The following RANBP2 variants were observed in gnomAD, a reference collection of about 807,000 sequenced individuals.
RANBP2 encodes E3 SUMO-protein ligase RanBP2.
In RANBP2, 57 loss-of-function variants were observed where a neutral mutation model predicts 303.6. That is an observed-to-expected ratio of 0.19 (90% CI 0.15 to 0.23). The LOEUF (loss-of-function observed/expected upper bound fraction) is 0.23. Ranked by LOEUF, RANBP2 falls within the 10% of genes least tolerant of loss-of-function variation. The probability of loss-of-function intolerance (pLI) is 1.00; values close to 1 mark genes in which losing one functional copy is unlikely to be tolerated. For missense variants in RANBP2, 3,138 were observed against 3,780.8 expected (o/e 0.83, Z 4.46); for synonymous variants, 1,167 against 1,301.5 (o/e 0.90, Z 2.23).
the RANBP2 span, among the ~76,000 whole-genome samples, chr2:109,265,981 C>CTTATGTGCGCATGTGTG: frequency 6.6e-6 from 1 of 152,020 alleles, no homozygotes; most frequent in African/African-American, 2.4e-5. Context: ...CAGACATTTG[C>CTTATGTGCGCATGTGTG]TTATGTGCGC....
At chr2:109,508,109 G>A in the RANBP2 span, among the ~76,000 whole-genome samples, 1 of 152,088 alleles carries the variant, frequency 6.6e-6, no homozygotes, top group Non-Finnish European at 1.5e-5. Flanking sequence ...GCACAATGAG[G>A]ACCAGCAGGT....
At chr2:109,074,730 CT>C in the RANBP2 span, among the ~76,000 whole-genome samples, 64 of 148,922 alleles carry the variant, frequency 4.3e-4, no homozygotes, top group African/African-American at 1.5e-3. Context: ...GTAATAATTA[CT>C]TAAAATGTAA....
chr2:109,244,767 G>A, the RANBP2 span, among the ~76,000 whole-genome samples: 1 of 152,214 alleles, frequency 6.6e-6, no homozygotes, highest in Non-Finnish European at 1.5e-5. Flanking sequence ...GGCCCTTGAG[G>A]CAGCCTGTGG....
chr2:109,658,275 G>A, the RANBP2 span, among the ~76,000 whole-genome samples: 7 of 151,544 alleles, frequency 4.6e-5, no homozygotes, highest in East Asian at 1.4e-3. Context: ...GTGAAACCCT[G>A]TCTCTACTAA....
the RANBP2 span, among the ~76,000 whole-genome samples, chr2:109,167,897 C>T: frequency 2.6e-5 from 4 of 152,148 alleles, no homozygotes; most frequent in East Asian, 5.8e-4. Flanking sequence ...TCCACTTGAC[C>T]GTAAGCTTCA....
At chr2:109,299,791 T>C in the RANBP2 span, among the ~76,000 whole-genome samples, 1 of 152,158 alleles carries the variant, frequency 6.6e-6, no homozygotes, top group East Asian at 1.9e-4. Flanking sequence ...GATGTGGCCG[T>C]GGTGTGGGCT....
chr2:109,175,339 C>T, the RANBP2 span, among the ~76,000 whole-genome samples: 2 of 152,208 alleles, frequency 1.3e-5, no homozygotes, highest in Admixed American at 1.3e-4. Context: ...TGTATTTCAT[C>T]CTGCAGCACA....
At chr2:109,443,255 T>C in the RANBP2 span, among the ~76,000 whole-genome samples, 1 of 152,268 alleles carries the variant, frequency 6.6e-6, no homozygotes, top group African/African-American at 2.4e-5. Context: ...GACCTGAGGC[T>C]GCCCTATTAA....
the RANBP2 span, among the ~76,000 whole-genome samples, chr2:108,813,248 CAAAAAAAAAAAAA>C: frequency 4.0e-3 from 254 of 63,564 alleles, 4 homozygotes; most frequent in African/African-American, 0.018. Context: ...GACTCCGTCT[CAAAAAAAAAAAAA>C]AAAAAAAAAA....
chr2:109,599,526 T>C, the RANBP2 span, among the ~76,000 whole-genome samples: 3 of 151,602 alleles, frequency 2.0e-5, no homozygotes, highest in East Asian at 5.8e-4. Context: ...CAGCAGCAAG[T>C]TGGCCTCCAG....
the RANBP2 span, among the ~76,000 whole-genome samples, chr2:109,527,384 A>G: frequency 1.3e-5 from 2 of 152,174 alleles, no homozygotes; most frequent in Non-Finnish European, 2.9e-5. Context: ...TGCAGCGGGA[A>G]AGGAGTTTGA....
the RANBP2 span, among the ~76,000 whole-genome samples, chr2:109,013,181 A>AG: frequency 6.6e-6 from 1 of 152,212 alleles, no homozygotes; most frequent in Non-Finnish European, 1.5e-5. Flanking sequence ...CTCTCATGCC[A>AG]GTAGTGCCTT....
At chr2:109,520,531 C>T in the RANBP2 span, among the ~76,000 whole-genome samples, 10 of 127,028 alleles carry the variant, frequency 7.9e-5, no homozygotes, top group Admixed American at 6.9e-4. Context: ...ACCCAGGAGG[C>T]GGAGGTTGCA....
At chr2:109,679,949 T>C in the RANBP2 span, among the ~76,000 whole-genome samples, 7 of 152,114 alleles carry the variant, frequency 4.6e-5, no homozygotes, top group East Asian at 3.8e-4. Context: ...GCCCATCTTG[T>C]GAGCAGACGA....
chr2:109,440,032 C>G, the RANBP2 span, among the ~76,000 whole-genome samples: 1 of 152,150 alleles, frequency 6.6e-6, no homozygotes, highest in African/African-American at 2.4e-5. Flanking sequence ...TAGGAAGTGT[C>G]TGAGCAGACA....
At chr2:109,672,189 T>A in the RANBP2 span, among the ~76,000 whole-genome samples, 1 of 152,232 alleles carries the variant, frequency 6.6e-6, no homozygotes, top group South Asian at 2.1e-4. Context: ...CTTGAATAGC[T>A]ATGCTTTCCT....
At position 108,775,569 on chromosome 2, in the gene RANBP2, T is replaced by C. The variant is rs568992459; in HGVS notation, c.8293-163T>C. ...CTTAGAGGTGCTCTGTATGTTTCAG[T>C]GTAGGCATTTAGTTATAGGTTTTGA... On this transcript the variant is annotated intron_variant, in intron 23 of 28. Coordinates refer to ENST00000283195, the MANE Select transcript of RANBP2 (RefSeq NM_006267.5). 13 of 183,056 alleles carry C rather than the reference T, an allele frequency of 7.1e-5. No homozygotes were observed. The South Asian group carries it at 1.3e-3, about 18-fold the overall frequency. 11.3% of individuals were successfully genotyped at this position (183,056 alleles called of 1,614,324 possible). A position where few individuals can be genotyped will look rare whatever the true frequency, so the allele number is the denominator to read the frequency against.
At chr2:109,057,772 C>T in the RANBP2 span, among the ~76,000 whole-genome samples, 1 of 152,180 alleles carries the variant, frequency 6.6e-6, no homozygotes, top group Non-Finnish European at 1.5e-5. Context: ...TCGCCCCGCC[C>T]CGGGACAAAG....
chr2:108,905,449 G>C, the RANBP2 span, among the ~76,000 whole-genome samples: 2 of 144,052 alleles, frequency 1.4e-5, no homozygotes, highest in African/African-American at 5.1e-5. Flanking sequence ...CTCACCCACA[G>C]TATAGTTATT....
Sources: gnomAD v4.1 joint callset for allele counts (sites outside exome capture counted in the v4.1 genomes callset) on GRCh38, gnomAD v4.1.1 for gene constraint, MANE v1.5 for transcripts, NCBI Gene and HGNC (gene_info 2026-07-23, HGNC 2026-07-21) for gene names.